LDB2: variants seen among roughly 807,000 people sequenced by gnomAD.
The protein encoded by LDB2 is LIM domain binding 2.
A neutral mutation model predicts 44.3 loss-of-function variants in LDB2; 12 were observed. The observed-to-expected ratio is 0.27, with a 90% CI of 0.17 to 0.44. The LOEUF is 0.44. Ranked by LOEUF, LDB2 falls within the 20% of genes least tolerant of loss-of-function variation. LDB2 has a pLI of 1.00. For synonymous variants in LDB2, 164 were observed against 174.8 expected, an observed-to-expected ratio of 0.94 and a Z score of 0.49; for missense variants, 344 against 473.5, an observed-to-expected ratio of 0.73 and a Z score of 2.54.
In LDB2 at chr4:16,533,364, G is replaced by A. The variant is rs1730758076; in HGVS notation, c.616-21260C>T. 6.6e-6 allele frequency among the ~76,000 whole-genome samples: 1 copy of A among 152,148 alleles called. No homozygotes were observed. On this transcript the variant is annotated intron_variant, in intron 5 of 7. Coordinates refer to ENST00000304523, the MANE Select transcript of LDB2 (RefSeq NM_001290.5). This position sits in a 1 kb window ranked among gnomAD's most constrained non-coding sequence, Gnocchi z 4.1. ...GTCTGCAAAAATGGAAATAATAATA[G>A]CTACCTCATGGATCTGAGGATACAA...
intron 5 of LDB2, among the ~76,000 whole-genome samples, chr4:16,514,801 T>G (rs1017054237): frequency 1.3e-5 from 2 of 152,308 alleles, no homozygotes; most frequent in African/African-American, 2.4e-5. Flanking sequence ...ATGTCCTTTT[T>G]GAAATCTAAA....
chr4:16,594,003 T>C (rs1440576620), intron 3 of LDB2, among the ~76,000 whole-genome samples: 1 of 152,172 alleles, frequency 6.6e-6, no homozygotes, highest in East Asian at 1.9e-4. Flanking sequence ...AAAGGACTAC[T>C]ACAAAATACA....
chr4:16,750,367 C>A (rs1765262440), intron 2 of LDB2, among the ~76,000 whole-genome samples: 1 of 152,198 alleles, frequency 6.6e-6, no homozygotes, highest in African/African-American at 2.4e-5. Context: ...TGCATGTGCT[C>A]AACACCTGCC....
intron 2 of LDB2, among the ~76,000 whole-genome samples, chr4:16,608,206 CAAAAAAAAAA>C (rs71649969): frequency 1.5e-5 from 1 of 68,484 alleles, no homozygotes; most frequent in Non-Finnish European, 3.0e-5. Context: ...CACACTTCTT[CAAAAAAAAAA>C]AAAAAAAAAA....
intron 1 of LDB2, among the ~76,000 whole-genome samples, chr4:16,782,006 C>T (rs765383115): frequency 6.6e-5 from 10 of 152,160 alleles, no homozygotes; most frequent in African/African-American, 9.7e-5. Flanking sequence ...TCCAGAACTG[C>T]GAGAGAGTGA....
At chr4:16,674,147 C>T in intron 2 of LDB2, 2 of 855,526 alleles carry the variant, frequency 2.3e-6, no homozygotes, top group South Asian at 2.8e-5. Context: ...CCATTTTACG[C>T]ATTTCCAGAA....
intron 2 of LDB2, among the ~76,000 whole-genome samples, chr4:16,676,948 G>A (rs1746497482): frequency 1.3e-5 from 2 of 152,296 alleles, no homozygotes; most frequent in South Asian, 4.1e-4. Context: ...CCAGAACAGA[G>A]ACCCTGCTTT....
chr4:16,565,636 CAATAT>C (rs2152388569), intron 5 of LDB2, among the ~76,000 whole-genome samples: 1 of 151,130 alleles, frequency 6.6e-6, no homozygotes, highest in African/African-American at 2.4e-5. Flanking sequence ...TGGTACTAGC[CAATAT>C]AATTAGACAA....
At chr4:16,662,165 C>T (rs1292637535) in intron 2 of LDB2, among the ~76,000 whole-genome samples, 1 of 152,130 alleles carries the variant, frequency 6.6e-6, no homozygotes, top group Non-Finnish European at 1.5e-5. Flanking sequence ...GGTTTCTACC[C>T]GACTCATGCC....
rs1178376330 is a variant in LDB2, at chr4:16,542,568, G to A, written c.616-30464C>T. ...GAAGAGAAGCAGAGGCTAGATGATG[G>A]TGAGCCTTATAATCGATTCAAAGAC... is the stretch of plus-strand genomic sequence containing the variant. On this transcript the variant is annotated intron_variant, in intron 5 of 7. Coordinates refer to ENST00000304523, the MANE Select transcript of LDB2 (RefSeq NM_001290.5). Among the ~76,000 whole-genome samples, 4 of 152,120 alleles carry A rather than the reference G, an allele frequency of 2.6e-5. No homozygotes were observed. The South Asian group carries it at 8.3e-4, about 32-fold the overall frequency.
chr4:16,557,501 G>C (rs1286572841), intron 5 of LDB2, among the ~76,000 whole-genome samples: 1 of 152,230 alleles, frequency 6.6e-6, no homozygotes, highest in Non-Finnish European at 1.5e-5. Flanking sequence ...GCGGCAGCGA[G>C]GCTGGGGGAG....
Position 16,512,009 on chromosome 4 carries a change from C to T in LDB2, c.711G>A (p.Gln237=), listed in dbSNP as rs746616166. The T allele has an allele frequency of 1.2e-6, 2 of 1,613,654 alleles. No homozygotes were observed. The highest frequency in any genetic ancestry group is 1.1e-5 in the South Asian group (1 of 91,008). ...PRDCLKTCLF[Q]KWQRMVAPPA... The stretch of plus-strand genomic sequence containing the variant: ...GCGGAGCCACCATCCTCTGCCACTT[C>T]TGAAACAAGCAGGTCTTCAGGCAGT... The change falls in exon 6 of 8, where the codon CAG becomes CAA. Residue 237 remains glutamine, a synonymous_variant. Transcript: ENST00000304523.
At chr4:16,687,046 C>A (rs2152574408) in intron 2 of LDB2, among the ~76,000 whole-genome samples, 1 of 148,972 alleles carries the variant, frequency 6.7e-6, no homozygotes, top group South Asian at 2.1e-4. Context: ...TTCTTTTTAC[C>A]AGTGAAATAT....
At chr4:16,656,729 T>C (rs1343763350) in intron 2 of LDB2, among the ~76,000 whole-genome samples, 1 of 152,206 alleles carries the variant, frequency 6.6e-6, no homozygotes, top group East Asian at 1.9e-4. Context: ...GTAAGTTTAG[T>C]CCCCGTAAAC....
intron 2 of LDB2, among the ~76,000 whole-genome samples, chr4:16,732,114 G>A (rs1342193688): frequency 6.6e-6 from 1 of 152,138 alleles, no homozygotes; most frequent in East Asian, 1.9e-4. Context: ...ATTTGAACCT[G>A]CTGCACAGAG....
chr4:16,796,517 A>C (rs1003190270), intron 1 of LDB2, among the ~76,000 whole-genome samples: 1 of 152,232 alleles, frequency 6.6e-6, no homozygotes, highest in Non-Finnish European at 1.5e-5. Context: ...AATAAATGGA[A>C]GAGATGAGAC....
At chr4:16,775,783 A>AT (rs1771755616) in intron 1 of LDB2, among the ~76,000 whole-genome samples, 1 of 152,066 alleles carries the variant, frequency 6.6e-6, no homozygotes, top group Non-Finnish European at 1.5e-5. Context: ...TCGGTGTTTA[A>AT]TTTTTCCTGT....
At chr4:16,712,329 G>A (rs1162135556) in intron 2 of LDB2, among the ~76,000 whole-genome samples, 2 of 152,110 alleles carry the variant, frequency 1.3e-5, no homozygotes, top group African/African-American at 4.8e-5. Flanking sequence ...TGAGGCGGGT[G>A]GATCACGAGG....
chr4:16,742,365 C>T (rs1045205891), intron 2 of LDB2, among the ~76,000 whole-genome samples: 3 of 152,172 alleles, frequency 2.0e-5, no homozygotes, highest in Non-Finnish European at 4.4e-5. Context: ...CCACCGCGCC[C>T]AGCCAACACA....
Sources: gnomAD v4.1 joint callset for allele counts (sites outside exome capture counted in the v4.1 genomes callset) on GRCh38, gnomAD v4.1.1 for gene constraint, Gnocchi (gnomAD v3.1) non-coding constraint, MANE v1.5 for transcripts, NCBI Gene and HGNC (gene_info 2026-07-23, HGNC 2026-07-21) for gene names.